SNAP91: variants seen among roughly 807,000 people sequenced by gnomAD.
The protein encoded by SNAP91 is clathrin coat assembly protein AP180.
In SNAP91, 27 loss-of-function variants were observed where a neutral mutation model predicts 100.3. The observed-to-expected ratio is 0.27, with a 90% CI of 0.20 to 0.37. The LOEUF is 0.37. Among genes scored for constraint, SNAP91 ranks in the 10% least tolerant of loss-of-function variants. The pLI is 1.00. For missense variants in SNAP91, 986 were observed against 1,123.7 expected (o/e 0.88, Z 1.75); for synonymous variants, 404 against 398.6 (o/e 1.01, Z -0.16).
intron 2 of SNAP91, among the ~76,000 whole-genome samples, chr6:83,668,380 C>T (rs9449679): frequency 0.027 from 4,180 of 152,166 alleles, 195 homozygotes; most frequent in African/African-American, 0.093. Context: ...CACATGCATA[C>T]GTATGTTTAT....
At chr6:83,705,703 C>T (rs1031033954) in intron 2 of SNAP91, among the ~76,000 whole-genome samples, 2 of 151,830 alleles carry the variant, frequency 1.3e-5, no homozygotes, top group Admixed American at 1.3e-4. Context: ...CCCAGCTACT[C>T]AGGAGGCTGA....
chr6:83,688,506 T>A (rs954413981), intron 2 of SNAP91, among the ~76,000 whole-genome samples: 2 of 144,340 alleles, frequency 1.4e-5, no homozygotes, highest in Non-Finnish European at 3.0e-5. Flanking sequence ...AAACATCACT[T>A]TTTTTTTTTT....
At chr6:83,645,247 T>C (rs1279090000) in intron 7 of SNAP91, among the ~76,000 whole-genome samples, 1 of 144,354 alleles carries the variant, frequency 6.9e-6, no homozygotes, top group African/African-American at 2.5e-5. Flanking sequence ...ATATCCTGAC[T>C]TTTTTTTTTT....
intron 22 of SNAP91, 31 bp downstream of exon 22, chr6:83,591,180 C>T: frequency 1.5e-6 from 2 of 1,374,666 alleles, no homozygotes; most frequent in Non-Finnish European, 2.1e-6. Context: ...CCAAATTTAA[C>T]TTCTACAAAA....
intron 28 of SNAP91, 29 bp from the exon 29 acceptor site, chr6:83,556,274 C>T (rs761397193): frequency 1.8e-5 from 21 of 1,195,390 alleles, no homozygotes; most frequent in South Asian, 1.1e-4. Context: ...CCCCAAAGAG[C>T]AGGAATAGAA....
intron 7 of SNAP91, among the ~76,000 whole-genome samples, chr6:83,653,271 G>A (rs1178286298): frequency 1.3e-5 from 2 of 151,770 alleles, no homozygotes; most frequent in Admixed American, 1.3e-4. Flanking sequence ...TGTTTGTTTT[G>A]TTTTTAGTTG....
intron 2 of SNAP91, among the ~76,000 whole-genome samples, chr6:83,675,666 A>G (rs1177969608): frequency 3.9e-5 from 6 of 152,080 alleles, no homozygotes; most frequent in African/African-American, 1.4e-4. Flanking sequence ...CAATTACCTT[A>G]TATTATTTAA....
In SNAP91 at chr6:83,591,298, T is replaced by G; in HGVS notation, c.1931-4A>C. 6.2e-7 allele frequency: 1 copy of G among 1,601,870 alleles called. No homozygotes were observed. Among genetic ancestry groups the G allele is most frequent in the Non-Finnish European group, 8.6e-7 (1 of 1,169,020 alleles). Reference sequence around the variant, plus strand: ...GAAGCACTACTTCCAAATGCATCTATCCGTTATCCATTGTGCAGCGGAAAA... The same window carrying G: ...GAAGCACTACTTCCAAATGCATCTAGCCGTTATCCATTGTGCAGCGGAAAA... On this transcript the variant is annotated splice_polypyrimidine_tract_variant and splice_region_variant and intron_variant, in intron 21 of 29. Transcript: ENST00000369694.
At chr6:83,695,506 T>C (rs761355126) in intron 2 of SNAP91, among the ~76,000 whole-genome samples, 4 of 152,132 alleles carry the variant, frequency 2.6e-5, no homozygotes, top group Non-Finnish European at 4.4e-5. Context: ...CTATATACAT[T>C]GATGCAACAA....
intron 7 of SNAP91, among the ~76,000 whole-genome samples, chr6:83,654,550 T>A (rs1275985451): frequency 6.6e-6 from 1 of 152,152 alleles, no homozygotes; most frequent in Non-Finnish European, 1.5e-5. Context: ...TTATGGGGAT[T>A]AAGTTACAAA....
chr6:83,660,881 C>G (rs1234899155), intron 5 of SNAP91, among the ~76,000 whole-genome samples: 1 of 151,730 alleles, frequency 6.6e-6, no homozygotes, highest in Non-Finnish European at 1.5e-5. Flanking sequence ...TAGGATCAAG[C>G]AATCCTCCTG....
At chr6:83,652,581 A>C (rs1361714426) in intron 7 of SNAP91, among the ~76,000 whole-genome samples, 1 of 152,098 alleles carries the variant, frequency 6.6e-6, no homozygotes, top group Non-Finnish European at 1.5e-5. Flanking sequence ...TAAATACATA[A>C]ACATATATTA....
In SNAP91 at chr6:83,628,836, C is replaced by T. The variant is rs542156098; in HGVS notation, c.766-5494G>A. ...TTGTCTGTTTACTCTGCTGACTATT[C>T]CTTTTTGCCTTGCAAAAATTCTTTA... On this transcript the variant is annotated intron_variant, in intron 8 of 29. Transcript: ENST00000369694. Among the ~76,000 whole-genome samples, 3 of 152,010 alleles carry T rather than the reference C, an allele frequency of 2.0e-5. No homozygotes were observed. The South Asian group carries it at 6.2e-4, about 32-fold the overall frequency.
intron 3 of SNAP91, among the ~76,000 whole-genome samples, chr6:83,663,367 T>G (rs138492546): frequency 3.3e-4 from 51 of 152,276 alleles, no homozygotes; most frequent in African/African-American, 1.2e-3. Context: ...CTAGCTCTCT[T>G]GTGCCAGTTA....
Position 83,580,411 on chromosome 6 carries a change from C to T in SNAP91, c.2299+39G>A, listed in dbSNP as rs1398790243. 4 of 1,493,980 alleles carry T rather than the reference C, an allele frequency of 2.7e-6. No homozygotes were observed. The African/African-American group carries it at 8.3e-5, about 31-fold the overall frequency. 92.5% of individuals were successfully genotyped at this position (1,493,980 alleles called of 1,614,324 possible). Reference sequence around the variant, plus strand: ...AGAAACAAAAAACAATTCACATATGCTTCAGTTAAAGAAAAAAAAAAAAAA... The same window carrying T: ...AGAAACAAAAAACAATTCACATATGTTTCAGTTAAAGAAAAAAAAAAAAAA... On this transcript the variant is annotated intron_variant, in intron 24 of 29. Transcript: ENST00000369694.
chr6:83,664,024 G>C (rs1221360153), intron 3 of SNAP91, among the ~76,000 whole-genome samples: 7 of 152,016 alleles, frequency 4.6e-5, no homozygotes, highest in Admixed American at 1.3e-4. Context: ...GAACAACAAA[G>C]CCCGGATGAT....
At chr6:83,557,029 C>T (rs1779895503) in intron 28 of SNAP91, among the ~76,000 whole-genome samples, 1 of 152,174 alleles carries the variant, frequency 6.6e-6, no homozygotes, top group Non-Finnish European at 1.5e-5. Context: ...TCATATTGGA[C>T]TTGTTGCAAA....
At chr6:83,594,622 T>G in intron 16 of SNAP91, 141 bp from the exon 17 acceptor site, 1 of 551,868 alleles carries the variant, frequency 1.8e-6, no homozygotes, top group Non-Finnish European at 3.2e-6. Flanking sequence ...GCCCATGCGC[T>G]GTCGGTGGTC....
chr6:83,587,715 T>C (rs1194311663), intron 22 of SNAP91, among the ~76,000 whole-genome samples: 1 of 152,192 alleles, frequency 6.6e-6, no homozygotes, highest in African/African-American at 2.4e-5. Flanking sequence ...GTTACAAATA[T>C]AAATGTGACT....
Sources: allele counts gnomAD v4.1 joint callset (sites outside exome capture counted in the v4.1 genomes callset), GRCh38; gene constraint gnomAD v4.1.1; transcripts MANE v1.5; gene names NCBI Gene and HGNC (gene_info 2026-07-23, HGNC 2026-07-21).